DLEU7: variants seen among roughly 807,000 people sequenced by gnomAD.
DLEU7 encodes the protein leukemia-associated protein 7.
A neutral mutation model predicts 16.0 loss-of-function variants in DLEU7; 17 were observed. That is an observed-to-expected ratio of 1.06 (90% CI 0.73 to 1.59). DLEU7 has a LOEUF of 1.59. Ranked by LOEUF, DLEU7 falls within the 40% of genes most tolerant of loss-of-function variation. The pLI, the probability that DLEU7 is intolerant of heterozygous loss-of-function variation, is 0.00. For missense variants in DLEU7, 308 were observed against 314.9 expected (o/e 0.98, Z 0.17); for synonymous variants, 113 against 139.8 (o/e 0.81, Z 1.35).
chr13:50,775,948 A>G (rs1016084880), intron 1 of DLEU7, among the ~76,000 whole-genome samples: 13 of 152,124 alleles, frequency 8.5e-5, no homozygotes, highest in African/African-American at 3.1e-4. Context: ...TTTGGTGACT[A>G]TTTAATCTAT....
intron 1 of DLEU7, among the ~76,000 whole-genome samples, chr13:50,751,042 C>T (rs1437600852): frequency 6.6e-6 from 1 of 152,182 alleles, no homozygotes; most frequent in Non-Finnish European, 1.5e-5. Context: ...TTCAACTTTT[C>T]CCCATTCAGT....
At chr13:50,767,002 C>A (rs1190444692) in intron 1 of DLEU7, among the ~76,000 whole-genome samples, 1 of 152,148 alleles carries the variant, frequency 6.6e-6, no homozygotes, top group Non-Finnish European at 1.5e-5. Flanking sequence ...TTTTCCTTTG[C>A]CCACTACTTA....
chr13:50,772,718 C>G (rs1269665606), intron 1 of DLEU7, among the ~76,000 whole-genome samples: 9 of 152,224 alleles, frequency 5.9e-5, no homozygotes, highest in Non-Finnish European at 1.2e-4. Context: ...TCATTTCAAC[C>G]TTGGTGAATC....
Position 50,764,892 on chromosome 13 carries a change from G to GTTTTGTTTTGTTTTGTTTTC in DLEU7, c.460-51653_460-51652insGAAAACAAAACAAAACAAAA, listed in dbSNP as rs71693659. Among the ~76,000 whole-genome samples, 28 of 152,018 alleles carry GTTTTGTTTTGTTTTGTTTTC rather than the reference G, an allele frequency of 1.8e-4. No homozygotes were observed. In the East Asian group the frequency reaches 2.1e-3, roughly 12 times the overall value. The stretch of plus-strand genomic sequence containing the variant: ...TTTTGGGTTTGTTTTGTTTTGTTTT[G>GTTTTGTTTTGTTTTGTTTTC]TTTTGTTTGAGACAGAGTCTCACTC... On this transcript the variant is annotated intron_variant, in intron 1 of 1. Coordinates refer to the DLEU7 transcript ENST00000400393.
At chr13:50,765,982 G>A (rs1341187326) in intron 1 of DLEU7, among the ~76,000 whole-genome samples, 1 of 152,090 alleles carries the variant, frequency 6.6e-6, no homozygotes, top group East Asian at 1.9e-4. Flanking sequence ...ATTAGCTTTT[G>A]GACTTTTTCA....
rs531733959 is a variant in DLEU7, at chr13:50,723,854, T to TAC, written c.460-10616_460-10615dup. Among the ~76,000 whole-genome samples, 192 of 151,710 alleles carry TAC rather than the reference T, an allele frequency of 1.3e-3. 1 individual carries two copies. The highest frequency in any genetic ancestry group is 4.1e-3 in the African/African-American group (170 of 41,386). On this transcript the variant is annotated intron_variant, in intron 1 of 1. Coordinates refer to the DLEU7 transcript ENST00000400393. Reference sequence around the variant, plus strand: ...AAATAATAAAAAAAATATATATATGTACACACACACATATATATATATAAT... The same window carrying TAC: ...AAATAATAAAAAAAATATATATATGTACACACACACACATATATATATATAAT...
chr13:50,775,938 T>G (rs1052873122), intron 1 of DLEU7, among the ~76,000 whole-genome samples: 10 of 152,220 alleles, frequency 6.6e-5, no homozygotes, highest in Non-Finnish European at 1.5e-4. Context: ...CTAGCTTTGT[T>G]TTGGTGACTA....
intron 1 of DLEU7, among the ~76,000 whole-genome samples, chr13:50,805,555 A>G (rs1262780757): frequency 1.3e-5 from 2 of 151,998 alleles, no homozygotes; most frequent in African/African-American, 2.4e-5. Context: ...ATTTTTTTAT[A>G]TATTTTGCAT....
intron 1 of DLEU7, among the ~76,000 whole-genome samples, chr13:50,761,298 G>A (rs1874920911): frequency 6.6e-6 from 1 of 152,198 alleles, no homozygotes; most frequent in African/African-American, 2.4e-5. Context: ...GCCATCGGCA[G>A]CAGTGGTTTG....
chr13:50,725,528 A>C (rs1032298528), intron 1 of DLEU7, among the ~76,000 whole-genome samples: 3 of 152,182 alleles, frequency 2.0e-5, no homozygotes, highest in Non-Finnish European at 4.4e-5. Flanking sequence ...TTGTGGAATT[A>C]GCTATCTATG....
At chr13:50,762,470 A>G (rs1318142680) in intron 1 of DLEU7, among the ~76,000 whole-genome samples, 1 of 152,118 alleles carries the variant, frequency 6.6e-6, no homozygotes, top group Admixed American at 6.5e-5. Flanking sequence ...CCAGGTCGGA[A>G]CCTATCCTGG....
intron 1 of DLEU7, among the ~76,000 whole-genome samples, chr13:50,763,142 G>T (rs1004318639): frequency 2.6e-5 from 4 of 152,168 alleles, no homozygotes; most frequent in Admixed American, 1.3e-4. Context: ...ATGCAGAGGG[G>T]TGTGAGATCA....
chr13:50,754,445 A>ACTG (rs1469933106), intron 1 of DLEU7, among the ~76,000 whole-genome samples: 4 of 152,164 alleles, frequency 2.6e-5, no homozygotes, highest in African/African-American at 9.7e-5. Flanking sequence ...GTCTCTTTTA[A>ACTG]CTGCTGCTGC....
chr13:50,815,948 A>G (rs1437265757), intron 1 of DLEU7, among the ~76,000 whole-genome samples: 1 of 152,094 alleles, frequency 6.6e-6, no homozygotes, highest in Non-Finnish European at 1.5e-5. Flanking sequence ...GAAAAGTACA[A>G]TTTTATAATA....
intron 1 of DLEU7, among the ~76,000 whole-genome samples, chr13:50,761,061 GC>G (rs764818084): frequency 3.3e-5 from 5 of 152,178 alleles, no homozygotes; most frequent in Non-Finnish European, 7.3e-5. Flanking sequence ...CACTGTATTT[GC>G]CTGAAGGAGA....
At chr13:50,724,917 C>T (rs1057017897) in intron 1 of DLEU7, among the ~76,000 whole-genome samples, 1 of 152,144 alleles carries the variant, frequency 6.6e-6, no homozygotes, top group African/African-American at 2.4e-5. Context: ...ATCATTTCTG[C>T]TTGTAACCTA....
downstream of DLEU7, among the ~76,000 whole-genome samples, chr13:50,820,262 G>C (rs879376579): frequency 6.6e-6 from 1 of 151,586 alleles, no homozygotes; most frequent in Non-Finnish European, 1.5e-5. Flanking sequence ...AACTAATTTG[G>C]ACAATTATTC....
chr13:50,811,076 G>A lies in DLEU7; in HGVS notation c.459+32112C>T, dbSNP rs558484867. ...TGTGTGTGCCTGCATCTGTTTGCAT[G>A]TGTGTGCATGCGTGGCAGCTGGAAG... On this transcript the variant is annotated intron_variant, in intron 1 of 1. Coordinates refer to the DLEU7 transcript ENST00000400393. Among the ~76,000 whole-genome samples, 6 of 152,274 alleles carry A rather than the reference G, an allele frequency of 3.9e-5. No individual in the cohort carries two copies. The South Asian group carries it at 6.2e-4, about 16-fold the overall frequency.
At chr13:50,823,541 A>C (rs1262054100) in intron 1 of DLEU7, 21 bp from the exon 2 acceptor site, 1 of 1,534,500 alleles carries the variant, frequency 6.5e-7, no homozygotes, top group Non-Finnish European at 8.7e-7. Context: ...CAACAAACAC[A>C]AACAAGAAAT....
Sources: allele counts gnomAD v4.1 joint callset (sites outside exome capture counted in the v4.1 genomes callset), GRCh38; gene constraint gnomAD v4.1.1; transcripts MANE v1.5; gene names NCBI Gene and HGNC (gene_info 2026-07-23, HGNC 2026-07-21).